The following GALNTL6 variants were observed in gnomAD, a reference collection of about 807,000 sequenced individuals.
GALNTL6 encodes polypeptide N-acetylgalactosaminyltransferase like 6.
GALNTL6 carries 46 observed loss-of-function variants against 73.7 expected under a neutral mutation model. That is an observed-to-expected ratio of 0.62 (90% CI 0.49 to 0.80). The LOEUF (loss-of-function observed/expected upper bound fraction) is 0.80. Among genes scored for constraint, GALNTL6 ranks in the 30% least tolerant of loss-of-function variants. The pLI is 0.00. For synonymous variants in GALNTL6, 259 were observed against 263.7 expected (o/e 0.98, Z 0.17); for missense variants, 604 against 755.0 (o/e 0.80, Z 2.34).
At chr4:172,897,704 T>C (rs941577099) in intron 8 of GALNTL6, among the ~76,000 whole-genome samples, 4 of 152,198 alleles carry the variant, frequency 2.6e-5, no homozygotes, top group South Asian at 2.1e-4. Context: ...TTGAGCTCCA[T>C]TGAGGTTTCA....
chr4:172,808,715 G>A (rs898447415), intron 5 of GALNTL6, among the ~76,000 whole-genome samples: 1 of 152,088 alleles, frequency 6.6e-6, no homozygotes, highest in African/African-American at 2.4e-5. Context: ...TAATTAGGCA[G>A]GAAACATTTC....
intron 5 of GALNTL6, among the ~76,000 whole-genome samples, chr4:172,533,926 C>T (rs1238399605): frequency 6.6e-6 from 1 of 152,140 alleles, no homozygotes; most frequent in Non-Finnish European, 1.5e-5. Context: ...GGTGATTTTG[C>T]AGTGATCTTG....
At chr4:172,168,060 T>G (rs1734688853) in intron 2 of GALNTL6, among the ~76,000 whole-genome samples, 1 of 152,192 alleles carries the variant, frequency 6.6e-6, no homozygotes, top group African/African-American at 2.4e-5. Context: ...TTATACTTTC[T>G]GAAATATATT....
intron 8 of GALNTL6, among the ~76,000 whole-genome samples, chr4:172,912,972 G>A (rs1579644927): frequency 6.6e-6 from 1 of 152,184 alleles, no homozygotes; most frequent in East Asian, 1.9e-4. Flanking sequence ...CCCAGTAGGG[G>A]CCGACTGACA....
chr4:172,883,829 T>C (rs906112138), intron 8 of GALNTL6, among the ~76,000 whole-genome samples: 1 of 150,916 alleles, frequency 6.6e-6, no homozygotes, highest in Non-Finnish European at 1.5e-5. Context: ...ACCACCAATC[T>C]ACCTTCTACC....
rs1414149880 is a variant in GALNTL6, at chr4:172,138,477, CTATATATATATATATATATA to C, written c.139-91161_139-91142del. Among the ~76,000 whole-genome samples the C allele has an allele frequency of 3.3e-3, 29 of 8,696 alleles. 1 individual carries two copies. Among genetic ancestry groups the C allele is most frequent in the East Asian group, 0.011 (2 of 176 alleles). The allele number at this position is 8,696 out of a possible 152,430, so 5.7% of individuals were successfully genotyped here. Reference sequence around the variant, plus strand: ...AATTATATTAATTTACTTGGACTGCCTATATATATATATATATATATATATATATATATATATTTTTTTTT... The same window carrying C: ...AATTATATTAATTTACTTGGACTGCCTATATATATATATATATTTTTTTTT... On this transcript the variant is annotated intron_variant, in intron 2 of 12. Coordinates refer to ENST00000506823, the MANE Select transcript of GALNTL6 (RefSeq NM_001034845.3).
intron 5 of GALNTL6, among the ~76,000 whole-genome samples, chr4:172,658,081 C>T (rs1457250904): frequency 3.8e-5 from 4 of 106,022 alleles, no homozygotes; most frequent in East Asian, 6.0e-4. Flanking sequence ...ACCCGGGAGG[C>T]GGAGCTTGCA....
intron 5 of GALNTL6, among the ~76,000 whole-genome samples, chr4:172,372,276 G>A (rs2086806): frequency 0.81 from 122,641 of 152,098 alleles, 50,353 homozygotes; most frequent in Non-Finnish European, 0.88. Flanking sequence ...GCTCCCCATC[G>A]TCTGGGAGAA....
At chr4:172,467,733 A>C (rs181093244) in intron 5 of GALNTL6, among the ~76,000 whole-genome samples, 1 of 152,296 alleles carries the variant, frequency 6.6e-6, no homozygotes, top group East Asian at 1.9e-4. Flanking sequence ...GAAAAATTGA[A>C]GCCATCCTTG....
At chr4:172,048,538 G>A (rs540013993) in intron 2 of GALNTL6, among the ~76,000 whole-genome samples, 2 of 152,154 alleles carry the variant, frequency 1.3e-5, no homozygotes, top group South Asian at 2.1e-4. Context: ...AAATGGTTTA[G>A]TTATCAATAA....
chr4:172,170,320 T>G (rs186727478), intron 2 of GALNTL6, among the ~76,000 whole-genome samples: 2 of 152,114 alleles, frequency 1.3e-5, no homozygotes, highest in Non-Finnish European at 2.9e-5. Context: ...CTGATGGCTT[T>G]ATAAGTTTTT....
At chr4:172,174,799 T>G (rs1183993203) in intron 2 of GALNTL6, among the ~76,000 whole-genome samples, 1 of 152,156 alleles carries the variant, frequency 6.6e-6, no homozygotes, top group Non-Finnish European at 1.5e-5. Flanking sequence ...AAAGATGATA[T>G]GTACACAAAA....
intron 2 of GALNTL6, among the ~76,000 whole-genome samples, chr4:172,165,305 A>G (rs116754549): frequency 0.02 from 3,075 of 152,252 alleles, 110 homozygotes; most frequent in African/African-American, 0.067. Flanking sequence ...CAACTTTATT[A>G]AAGTGGAAAC....
At chr4:172,731,637 G>T (rs1443761459) in intron 5 of GALNTL6, among the ~76,000 whole-genome samples, 2 of 151,844 alleles carry the variant, frequency 1.3e-5, no homozygotes, top group Non-Finnish European at 2.9e-5. Context: ...TGCCTTGTTA[G>T]GTTGTTAATT....
intron 5 of GALNTL6, among the ~76,000 whole-genome samples, chr4:172,607,988 A>AT (rs1200936956): frequency 6.6e-6 from 1 of 151,870 alleles, no homozygotes; most frequent in Non-Finnish European, 1.5e-5. Context: ...ATATTTATTA[A>AT]TTTTTTCAAA....
intron 2 of GALNTL6, among the ~76,000 whole-genome samples, chr4:171,895,820 C>T (rs941466318): frequency 6.6e-5 from 10 of 151,730 alleles, no homozygotes; most frequent in African/African-American, 2.4e-4. Flanking sequence ...AAATACTTCT[C>T]CACTTAATGA....
intron 11 of GALNTL6, among the ~76,000 whole-genome samples, chr4:173,017,991 T>C (rs951404706): frequency 6.6e-6 from 1 of 152,172 alleles, no homozygotes; most frequent in Admixed American, 6.5e-5. Flanking sequence ...AGGCCTGATT[T>C]TCCCTAACTG....
At chr4:172,541,193 T>A (rs985661366) in intron 5 of GALNTL6, among the ~76,000 whole-genome samples, 4 of 152,242 alleles carry the variant, frequency 2.6e-5, no homozygotes, top group African/African-American at 9.6e-5. Context: ...TGAGATTTTA[T>A]AGTTTGTAGG....
chr4:172,890,421 T>G (rs1229762253), intron 8 of GALNTL6, among the ~76,000 whole-genome samples: 2 of 152,150 alleles, frequency 1.3e-5, no homozygotes, highest in African/African-American at 4.8e-5. Flanking sequence ...CCAGAGATTT[T>G]GATATGTTCT....
Sources: allele counts gnomAD v4.1 joint callset (sites outside exome capture counted in the v4.1 genomes callset), GRCh38; gene constraint gnomAD v4.1.1; transcripts MANE v1.5; gene names NCBI Gene and HGNC (gene_info 2026-07-23, HGNC 2026-07-21).